The following GLI2 variants were observed in gnomAD, a reference collection of about 807,000 sequenced individuals.
The protein encoded by GLI2 is GLI family zinc finger 2, also known as transcription activator GLI2.
Under a neutral mutation model 78.9 loss-of-function variants are expected in GLI2, and 22 were observed. That is an observed-to-expected ratio of 0.28 (90% CI 0.20 to 0.40). The LOEUF (loss-of-function observed/expected upper bound fraction) is 0.40, where lower values mean the gene tolerates loss of function less well. GLI2 is among the 10% of genes least tolerant of loss of function. GLI2 has a pLI of 1.00. For missense variants in GLI2, 2,097 were observed against 2,213.2 expected (o/e 0.95, Z 1.05); for synonymous variants, 974 against 963.7 (o/e 1.01, Z -0.20).
rs181801366 is a variant in GLI2 at position 120,912,928 on chromosome 2, G to A, written c.149-14433G>A. On this transcript the variant is annotated intron_variant, in intron 2 of 13. Coordinates refer to ENST00000361492, the MANE Select transcript of GLI2 (RefSeq NM_001374353.1). ...AGGCTGACTTAATCCCTTGGGCGGGGCACCGGCCTCACCCACAGAATCGCA... is the reference window on the plus strand; with the variant it reads ...AGGCTGACTTAATCCCTTGGGCGGGACACCGGCCTCACCCACAGAATCGCA... 1.2e-4 allele frequency among the ~76,000 whole-genome samples: 19 copies of A among 152,314 alleles called. 1 individual carries two copies. The East Asian group carries it at 3.3e-3, about 26-fold the overall frequency.
chr2:120,838,167 T>C (rs1686704317), intron 2 of GLI2, among the ~76,000 whole-genome samples: 3 of 152,224 alleles, frequency 2.0e-5, no homozygotes, highest in Non-Finnish European at 4.4e-5. Context: ...GTTTTATCAT[T>C]TGTATCATAA....
intron 3 of GLI2, 75 bp downstream of exon 3, chr2:120,927,541 C>A: frequency 1.1e-6 from 1 of 916,798 alleles, no homozygotes; most frequent in Non-Finnish European, 1.8e-6. Context: ...GCAGCCTCAG[C>A]CACATCTCCT....
At chr2:120,900,755 G>A (rs1419062049) in intron 2 of GLI2, among the ~76,000 whole-genome samples, 1 of 152,198 alleles carries the variant, frequency 6.6e-6, no homozygotes, top group African/African-American at 2.4e-5. Flanking sequence ...AAAAATCGGA[G>A]GTCAGTGATG....
At chr2:120,953,231 A>G (rs180683549) in intron 4 of GLI2, among the ~76,000 whole-genome samples, 2 of 152,370 alleles carry the variant, frequency 1.3e-5, no homozygotes, top group African/African-American at 2.4e-5. Flanking sequence ...GAAGGCAGAC[A>G]CATTCATGCC....
At chr2:120,736,714 C>G (rs1682368419) in intron 1 of GLI2, among the ~76,000 whole-genome samples, 1 of 152,046 alleles carries the variant, frequency 6.6e-6, no homozygotes, top group Non-Finnish European at 1.5e-5. Context: ...TGCGGGCGTA[C>G]TGAGCGCGGA....
chr2:120,812,774 G>A (rs1222199004), intron 2 of GLI2, among the ~76,000 whole-genome samples: 1 of 152,158 alleles, frequency 6.6e-6, no homozygotes, highest in Non-Finnish European at 1.5e-5. Flanking sequence ...TTTTTCTCCT[G>A]GGCTGTGTTT....
intron 1 of GLI2, among the ~76,000 whole-genome samples, chr2:120,736,777 C>G (rs1682370484): frequency 6.6e-6 from 1 of 152,016 alleles, no homozygotes; most frequent in Non-Finnish European, 1.5e-5. Flanking sequence ...CCGCGCTGCG[C>G]GTCCCGGAGC....
At chr2:120,923,083 T>C (rs929336925) in intron 2 of GLI2, among the ~76,000 whole-genome samples, 16 of 150,982 alleles carry the variant, frequency 1.1e-4, no homozygotes, top group African/African-American at 3.7e-4. Context: ...CACACACACA[T>C]ATACACAGCA....
chr2:120,792,423 C>A (rs943731064), intron 1 of GLI2: 4 of 152,222 alleles, frequency 2.6e-5, no homozygotes, highest in African/African-American at 4.8e-5. Flanking sequence ...GCTTTACCGA[C>A]ACATCAAAGA....
At chr2:120,779,947 G>A (rs541429773) in intron 1 of GLI2, among the ~76,000 whole-genome samples, 9 of 152,186 alleles carry the variant, frequency 5.9e-5, no homozygotes, top group South Asian at 2.1e-4. Flanking sequence ...TATGTGTCAC[G>A]GGTGTGTTTG....
At chr2:120,807,846 AC>A (rs536612830) in intron 2 of GLI2, among the ~76,000 whole-genome samples, 8 of 131,318 alleles carry the variant, frequency 6.1e-5, no homozygotes, top group Non-Finnish European at 9.8e-5. Context: ...TGCTTGGACC[AC>A]CCCCCCACAC....
In GLI2 at chr2:120,912,184, A is replaced by G. The variant is rs540271131; in HGVS notation, c.149-15177A>G. Among the ~76,000 whole-genome samples the G allele has an allele frequency of 2.0e-4, 31 of 152,092 alleles. No homozygotes were observed. In the South Asian group the frequency reaches 6.4e-3, roughly 32 times the overall value. On this transcript the variant is annotated intron_variant, in intron 2 of 13. Coordinates refer to ENST00000361492, the MANE Select transcript of GLI2 (RefSeq NM_001374353.1). Reference sequence around the variant, plus strand: ...ACATTGTATTTGGGAGTTTTCCCCTAGATCTTAAACCCTGTTTATTTAAAA... The same window carrying G: ...ACATTGTATTTGGGAGTTTTCCCCTGGATCTTAAACCCTGTTTATTTAAAA...
chr2:120,848,274 T>C (rs531168130), intron 2 of GLI2, among the ~76,000 whole-genome samples: 2 of 152,238 alleles, frequency 1.3e-5, no homozygotes, highest in South Asian at 4.1e-4. Context: ...CCCTGGCCCG[T>C]GGGTTTGCAC....
intron 1 of GLI2, among the ~76,000 whole-genome samples, chr2:120,788,992 T>C (rs2104680712): frequency 6.6e-6 from 1 of 151,930 alleles, no homozygotes; most frequent in Admixed American, 6.5e-5. Context: ...ACAGCCCCTA[T>C]GGTTCCCCTT....
chr2:120,989,358 G>A lies in GLI2; in HGVS notation c.3393G>A (p.Glu1131=). ...NKNNMPVQWN[E]VSSGTVDALA... ...ATAACATGCCTGTGCAGTGGAATGA[G>A]GTGAGCTCCGGCACCGTAGACGCCC... The change falls in exon 14 of 14, where the codon GAG becomes GAA. Residue 1131 remains glutamate (E), a synonymous_variant. Coordinates refer to ENST00000361492, the MANE Select transcript of GLI2 (RefSeq NM_001374353.1). 1.2e-6 allele frequency: 2 copies of A among 1,612,994 alleles called. No homozygotes were observed. The highest frequency in any genetic ancestry group is 2.2e-5 in the East Asian group (1 of 44,860).
chr2:120,826,584 G>A (rs1686073712), intron 2 of GLI2, among the ~76,000 whole-genome samples: 1 of 152,274 alleles, frequency 6.6e-6, no homozygotes, highest in East Asian at 1.9e-4. Context: ...TTTATCTCAT[G>A]TATGGTCTTT....
At position 120,986,485 on chromosome 2, in the gene GLI2, C is replaced by G; in HGVS notation, c.2113C>G (p.His705Asp). ...CGCTGGTGGCCTCCAGCTGCGCAAA[C>G]ACATGACCACCATGCACCGGTTCGA... The part of the protein sequence containing the change: ...PSAGGLQLRK[H>D]MTTMHRFEQL... The change falls in exon 13 of 14, where the codon CAC becomes GAC. Residue 705 changes from histidine (H) to aspartate (D), a missense_variant. Around this residue, in one of 5 missense-constraint regions of GLI2, gnomAD observed 1,290 missense variants for 1,261.7 expected, o/e 1.02. Coordinates refer to ENST00000361492, the MANE Select transcript of GLI2 (RefSeq NM_001374353.1). 6.2e-7 allele frequency: 1 copy of G among 1,614,130 alleles called. No individual in the cohort carries two copies. Among genetic ancestry groups the G allele is most frequent in the African/African-American group, 1.3e-5 (1 of 75,068 alleles).
chr2:120,927,473 C>T lies in GLI2; in HGVS notation c.254+7C>T, dbSNP rs757680417. On this transcript the variant is annotated splice_region_variant and intron_variant, in intron 3 of 13. Transcript: ENST00000361492. Reference sequence around the variant, plus strand: ...CTGTCCACGGTGTGCACGGGTAAGTCCTGCCCTCTGCCTGCTGCTCCTGGC... The same window carrying T: ...CTGTCCACGGTGTGCACGGGTAAGTTCTGCCCTCTGCCTGCTGCTCCTGGC... 3.2e-6 allele frequency: 5 copies of T among 1,586,424 alleles called. No homozygotes were observed. Among genetic ancestry groups the T allele is most frequent in the Admixed American group, 1.7e-5 (1 of 59,998 alleles).
intron 1 of GLI2, among the ~76,000 whole-genome samples, chr2:120,751,505 C>A (rs1339356404): frequency 2.0e-5 from 3 of 152,138 alleles, no homozygotes; most frequent in African/African-American, 7.2e-5. Flanking sequence ...AGTAATTATT[C>A]TCCAAACACG....
Sources: allele counts gnomAD v4.1 joint callset (sites outside exome capture counted in the v4.1 genomes callset), GRCh38; gene constraint gnomAD v4.1.1; regional missense constraint gnomAD v4.1.1; transcripts MANE v1.5; gene names NCBI Gene and HGNC (gene_info 2026-07-23, HGNC 2026-07-21).